DCDC2C: variants seen among roughly 807,000 people sequenced by gnomAD.
DCDC2C encodes the protein doublecortin domain containing 2C, also known as doublecortin domain-containing protein 2C.
Under a neutral mutation model 45.0 loss-of-function variants are expected in DCDC2C, and 44 were observed. The observed-to-expected ratio is 0.98, with a 90% CI of 0.77 to 1.26. DCDC2C has a LOEUF of 1.26. Among genes scored for constraint, DCDC2C ranks in the 50% most tolerant of loss-of-function variants. The pLI is 0.00. For missense variants in DCDC2C, 447 were observed against 468.9 expected, an observed-to-expected ratio of 0.95 and a Z score of 0.43; for synonymous variants, 187 against 178.8, an observed-to-expected ratio of 1.05 and a Z score of -0.37.
rs1279246637 is a variant in DCDC2C, at chr2:3,703,776, C to T, written c.25C>T (p.Pro9Ser). MGTRGPSA[P>S]VDTTPAKTIV... ...TATGGGAACCCGCGGGCCCTCCGCG[C>T]CGGTGGACACCACGCCCGCCAAGAC... The change falls in exon 1 of 11, where the codon CCG becomes TCG. Residue 9 changes from proline (P) to serine (S), a missense_variant. Pro to Ser is a moderately conservative substitution (Grantham distance 74, BLOSUM62 -1). Transcript: ENST00000399143. This position sits in a 1 kb window ranked among gnomAD's most constrained non-coding sequence, Gnocchi z 4.4. 1.6e-6 allele frequency: 2 copies of T among 1,236,244 alleles called. No individual in the cohort carries two copies. The highest frequency in any genetic ancestry group is 6.3e-5 in the East Asian group (2 of 31,636). The allele number at this position is 1,236,244 out of a possible 1,614,324, so 76.6% of individuals were successfully genotyped here.
intron 10 of DCDC2C, among the ~76,000 whole-genome samples, chr2:3,822,043 C>G (rs958324052): frequency 6.6e-6 from 1 of 152,168 alleles, no homozygotes; most frequent in Non-Finnish European, 1.5e-5. Flanking sequence ...GTGGATTTGC[C>G]TATTATCAGT....
chr2:3,724,983 G>A (rs1475928989), intron 2 of DCDC2C, among the ~76,000 whole-genome samples: 2 of 152,172 alleles, frequency 1.3e-5, no homozygotes, highest in Non-Finnish European at 2.9e-5. Flanking sequence ...TTGGGTCTGG[G>A]TTGGGAAGGG....
chr2:3,837,310 C>T (rs1177539887), intron 10 of DCDC2C, among the ~76,000 whole-genome samples: 1 of 152,192 alleles, frequency 6.6e-6, no homozygotes, highest in Admixed American at 6.5e-5. Flanking sequence ...AGCTGAGAAC[C>T]GGCTTGTATT....
intron 10 of DCDC2C, among the ~76,000 whole-genome samples, chr2:3,809,114 C>T (rs982633021): frequency 1.3e-5 from 2 of 152,106 alleles, no homozygotes. Context: ...ATGTGTTTTT[C>T]CTTTCACCAA....
intron 10 of DCDC2C, among the ~76,000 whole-genome samples, chr2:3,834,870 A>C (rs1392427147): frequency 6.6e-6 from 1 of 152,194 alleles, no homozygotes; most frequent in African/African-American, 2.4e-5. Flanking sequence ...ATCACATATT[A>C]TGTGCTGGGA....
At chr2:3,834,248 C>T (rs1024806404) in intron 10 of DCDC2C, among the ~76,000 whole-genome samples, 1 of 152,158 alleles carries the variant, frequency 6.6e-6, no homozygotes, top group Non-Finnish European at 1.5e-5. Flanking sequence ...TGGTGTTCCA[C>T]ATTCTACAAG....
rs80262433 is a variant in DCDC2C at position 3,761,108 on chromosome 2, C to T, written c.726+6474C>T. Among the ~76,000 whole-genome samples, 275 of 152,252 alleles carry T rather than the reference C, an allele frequency of 1.8e-3. 5 individuals carry two copies. In the East Asian group the frequency reaches 0.04, roughly 22 times the overall value. ...TCTCATTATATAGCATTCAGTTTTA[C>T]GGGAACTGCATTTACTGTGATTTTA... On this transcript the variant is annotated intron_variant, in intron 6 of 10. Transcript: ENST00000399143. This position sits in a 1 kb window ranked among gnomAD's most constrained non-coding sequence, Gnocchi z 4.3.
At chr2:3,780,249 A>G (rs10205540) in intron 9 of DCDC2C, among the ~76,000 whole-genome samples, 52,084 of 152,020 alleles carry the variant, frequency 0.34, 8,995 homozygotes, top group South Asian at 0.45. Flanking sequence ...TACCTGGCTT[A>G]CCCTCAAGGA....
chr2:3,773,969 C>T (rs1670257230), intron 8 of DCDC2C, among the ~76,000 whole-genome samples: 1 of 152,182 alleles, frequency 6.6e-6, no homozygotes, highest in Non-Finnish European at 1.5e-5. Flanking sequence ...AGTATCTTTC[C>T]TTGGATTCTC....
chr2:3,730,136 C>T (rs890338341), intron 3 of DCDC2C, among the ~76,000 whole-genome samples: 4 of 152,102 alleles, frequency 2.6e-5, no homozygotes, highest in African/African-American at 7.2e-5. Context: ...GAGATGAAAG[C>T]GTGACCATCG....
At chr2:3,806,192 A>C (rs889437610) in intron 10 of DCDC2C, among the ~76,000 whole-genome samples, 1 of 152,104 alleles carries the variant, frequency 6.6e-6, no homozygotes, top group Non-Finnish European at 1.5e-5. Context: ...TTTGCACTTC[A>C]TGACTCCCTT....
intron 10 of DCDC2C, among the ~76,000 whole-genome samples, chr2:3,785,482 A>G (rs1447321805): frequency 6.6e-6 from 1 of 151,844 alleles, no homozygotes; most frequent in Non-Finnish European, 1.5e-5. Context: ...GGCAGTCATA[A>G]AAGCTGCACC....
Position 3,703,597 on chromosome 2 carries a change from GC to G in DCDC2C, c.-150del, listed in dbSNP as rs1558553302. On this transcript the variant is annotated 5_prime_UTR_variant, in exon 1 of 11. Coordinates refer to ENST00000399143, the MANE Select transcript of DCDC2C (RefSeq NM_001287444.2). This position sits in a 1 kb window ranked among gnomAD's most constrained non-coding sequence, Gnocchi z 4.4. The stretch of plus-strand genomic sequence containing the variant: ...GGCAGCCCCGTCCCGTCCCCGTCCA[GC>G]CCCCGTCCCGTCCCCGTCCCGTCCC... The G allele has an allele frequency of 2.2e-5, 16 of 722,218 alleles. No homozygotes were observed. The African/African-American group carries it at 3.0e-4, about 13-fold the overall frequency. The allele number at this position is 722,218 out of a possible 1,614,324, so 44.7% of individuals were successfully genotyped here. A position where few individuals can be genotyped will look rare whatever the true frequency, so the allele number is the denominator to read the frequency against.
intron 4 of DCDC2C, among the ~76,000 whole-genome samples, chr2:3,743,837 G>T (rs189919678): frequency 6.6e-6 from 1 of 152,210 alleles, no homozygotes; most frequent in South Asian, 2.1e-4. Context: ...GGAGGCCGAG[G>T]CCGGTGGATC....
intron 3 of DCDC2C, among the ~76,000 whole-genome samples, chr2:3,728,376 T>G (rs1212688779): frequency 6.6e-6 from 1 of 152,210 alleles, no homozygotes; most frequent in Non-Finnish European, 1.5e-5. Flanking sequence ...TTTGAAATAA[T>G]AAGACACAGT....
In DCDC2C at chr2:3,752,769, T is replaced by A; in HGVS notation, c.552T>A (p.Phe184Leu). 1 of 1,550,468 alleles carries A rather than the reference T, an allele frequency of 6.4e-7. No homozygotes were observed. Among genetic ancestry groups the A allele is most frequent in the Admixed American group, 2.0e-5 (1 of 50,998 alleles). ...VFPLGGVRKL[F>L]TMNGHLLGDS... is the part of the protein sequence containing the mutation. Reference sequence around the variant, plus strand: ...CTTCTTTCTGTTTTTACAGATTATTTACAATGAATGGGCATCTTTTGGGCG... The same window carrying A: ...CTTCTTTCTGTTTTTACAGATTATTAACAATGAATGGGCATCTTTTGGGCG... The change falls in exon 5 of 11, where the codon TTT becomes TTA. Residue 184 changes from phenylalanine to leucine, a missense_variant. By Grantham distance (22) the Phe-to-Leu change is conservative. Transcript: ENST00000399143.
chr2:3,731,979 A>G (rs1216110582), intron 3 of DCDC2C, among the ~76,000 whole-genome samples: 1 of 152,040 alleles, frequency 6.6e-6, no homozygotes, highest in Non-Finnish European at 1.5e-5. Context: ...TTCAGGACTG[A>G]GTACGGTAGG....
At chr2:3,725,494 A>G (rs1438388330) in intron 2 of DCDC2C, among the ~76,000 whole-genome samples, 1 of 97,604 alleles carries the variant, frequency 1.0e-5, no homozygotes. Flanking sequence ...AGACGAGCAG[A>G]GAGGGAGGAG....
chr2:3,766,310 G>GCA (rs61471003), intron 6 of DCDC2C, among the ~76,000 whole-genome samples: 2,714 of 146,036 alleles, frequency 0.019, 43 homozygotes, highest in Middle Eastern at 0.046. Context: ...ACACACACAC[G>GCA]CACACACACA....
Sources: allele counts gnomAD v4.1 joint callset (sites outside exome capture counted in the v4.1 genomes callset), GRCh38; gene constraint gnomAD v4.1.1; non-coding constraint Gnocchi (gnomAD v3.1); transcripts MANE v1.5; gene names NCBI Gene and HGNC (gene_info 2026-07-23, HGNC 2026-07-21).